Variants in THRB observed in about 807,000 individuals in gnomAD.
THRB encodes the protein nuclear receptor subfamily 1 group A member 2.
A neutral mutation model predicts 47.8 loss-of-function variants in THRB; 12 were observed. That is an observed-to-expected ratio of 0.25 (90% CI 0.16 to 0.41). THRB has a LOEUF of 0.41. Ranked by LOEUF, THRB falls within the 10% of genes least tolerant of loss-of-function variation. The pLI, the probability that THRB is intolerant of heterozygous loss-of-function variation, is 1.00. For synonymous variants in THRB, 218 were observed against 212.2 expected (o/e 1.03, Z -0.24); for missense variants, 348 against 589.2 (o/e 0.59, Z 4.24).
intron 3 of THRB, among the ~76,000 whole-genome samples, chr3:24,277,187 C>T (rs2054009279): frequency 6.6e-6 from 1 of 152,094 alleles, no homozygotes; most frequent in Non-Finnish European, 1.5e-5. Flanking sequence ...AATTTTGCAC[C>T]TTCCATCCCA....
chr3:24,142,446 G>T (rs546582229), intron 8 of THRB, among the ~76,000 whole-genome samples: 28 of 152,284 alleles, frequency 1.8e-4, no homozygotes, highest in African/African-American at 6.7e-4. Flanking sequence ...TTCCTTTAAG[G>T]TTGTTGTTAT....
intron 5 of THRB, among the ~76,000 whole-genome samples, chr3:24,170,713 G>GA (rs2040317435): frequency 1.3e-5 from 2 of 152,030 alleles, no homozygotes; most frequent in South Asian, 4.2e-4. Flanking sequence ...CATTTGTTTG[G>GA]ATGGAGCCTA....
intron 1 of THRB, among the ~76,000 whole-genome samples, chr3:24,342,107 T>C (rs1208606712): frequency 1.3e-5 from 2 of 150,332 alleles, no homozygotes; most frequent in Non-Finnish European, 2.9e-5. Flanking sequence ...CCAAATAATG[T>C]CATTATGCAC....
Position 24,188,721 on chromosome 3 carries a change from T to C in THRB, c.283+1353A>G, listed in dbSNP as rs562836558. Among the ~76,000 whole-genome samples, 9 of 147,764 alleles carry C rather than the reference T, an allele frequency of 6.1e-5. No homozygotes were observed. In the South Asian group the frequency reaches 1.5e-3, roughly 25 times the overall value. ...ATACGCTAAGAGTAAATCTCAATTG[T>C]ATTGCAAACAAATGTATTTTGCGCA... On this transcript the variant is annotated intron_variant, in intron 5 of 10. Transcript: ENST00000646209.
intron 1 of THRB, among the ~76,000 whole-genome samples, chr3:24,343,644 C>T (rs1227806193): frequency 2.0e-5 from 3 of 152,036 alleles, no homozygotes; most frequent in African/African-American, 7.2e-5. Context: ...CTCCCATGTT[C>T]ACCACAGAGA....
intron 3 of THRB, among the ~76,000 whole-genome samples, chr3:24,263,806 A>G (rs1001384436): frequency 6.6e-6 from 1 of 152,184 alleles, no homozygotes; most frequent in African/African-American, 2.4e-5. Context: ...TGGAAGCTTT[A>G]AAGAAGTAAC....
intron 2 of THRB, among the ~76,000 whole-genome samples, chr3:24,333,368 C>G (rs899794503): frequency 2.6e-5 from 4 of 152,170 alleles, no homozygotes; most frequent in African/African-American, 9.7e-5. Flanking sequence ...ATTTCAAGAA[C>G]TTTGGCGCTA....
chr3:24,327,391 ATCAT>A (rs1187766605), intron 2 of THRB, among the ~76,000 whole-genome samples: 1 of 152,208 alleles, frequency 6.6e-6, no homozygotes, highest in Admixed American at 6.5e-5. Flanking sequence ...AAGTGTTTAA[ATCAT>A]TCATCAGTAG....
chr3:24,357,696 G>A (rs1434596494), intron 1 of THRB, among the ~76,000 whole-genome samples: 3 of 151,810 alleles, frequency 2.0e-5, no homozygotes, highest in Non-Finnish European at 4.4e-5. Context: ...ACTTCTGAGG[G>A]GGTTACACAG....
chr3:24,466,157 CTTCT>C (rs928078760), intron 1 of THRB, among the ~76,000 whole-genome samples: 25 of 152,042 alleles, frequency 1.6e-4, no homozygotes, highest in African/African-American at 5.3e-4. Flanking sequence ...AAATGACTTC[CTTCT>C]TTCTATTTTT....
At chr3:24,250,914 A>T (rs920821522) in intron 3 of THRB, among the ~76,000 whole-genome samples, 4 of 152,180 alleles carry the variant, frequency 2.6e-5, no homozygotes, top group Non-Finnish European at 5.9e-5. Flanking sequence ...AAATAGAATA[A>T]TTATAGCATG....
chr3:24,147,502 G>A (rs1335372534), intron 6 of THRB, among the ~76,000 whole-genome samples: 1 of 152,094 alleles, frequency 6.6e-6, no homozygotes, highest in Non-Finnish European at 1.5e-5. Context: ...TCTTTCTTTG[G>A]TATCTGTAGA....
intron 4 of THRB, among the ~76,000 whole-genome samples, chr3:24,228,706 C>A (rs2047944267): frequency 6.6e-6 from 1 of 151,156 alleles, no homozygotes; most frequent in African/African-American, 2.4e-5. Flanking sequence ...TAAAGGATGG[C>A]TAAAAATGAA....
intron 5 of THRB, 72 bp from the exon 6 acceptor site, chr3:24,152,562 T>G (rs1438065126): frequency 1.2e-6 from 1 of 860,098 alleles, no homozygotes; most frequent in African/African-American, 1.7e-5. Context: ...TAGCTAAGGT[T>G]GCTAGGCCAG....
intron 1 of THRB, among the ~76,000 whole-genome samples, chr3:24,408,788 C>T (rs1397882759): frequency 6.6e-6 from 1 of 151,740 alleles, no homozygotes. Context: ...TTTTCATTTA[C>T]TTTATAACAC....
rs150953731 is a variant in THRB, at chr3:24,320,671, T to C, written c.-189+16629A>G. ...TTAAATATCAAGTGTAAATATCTAA[T>C]GTTAAACATAATATTAATAACAAAT... On this transcript the variant is annotated intron_variant, in intron 2 of 10. Coordinates refer to ENST00000646209, the MANE Select transcript of THRB (RefSeq NM_001354712.2). Among the ~76,000 whole-genome samples the C allele has an allele frequency of 1.4e-4, 21 of 152,224 alleles. 1 individual carries two copies. Among genetic ancestry groups the C allele is most frequent in the African/African-American group, 4.8e-4 (20 of 41,542 alleles).
intron 1 of THRB, among the ~76,000 whole-genome samples, chr3:24,434,790 G>T (rs2125322350): frequency 6.6e-6 from 1 of 152,256 alleles, no homozygotes; most frequent in Non-Finnish European, 1.5e-5. Flanking sequence ...ATGCAGAGAG[G>T]CTTCCTCTAA....
At chr3:24,271,996 A>C (rs369334720) in intron 3 of THRB, among the ~76,000 whole-genome samples, 1 of 152,212 alleles carries the variant, frequency 6.6e-6, no homozygotes, top group East Asian at 1.9e-4. Context: ...GTGGCTACTC[A>C]TTAATAATTT....
intron 4 of THRB, among the ~76,000 whole-genome samples, chr3:24,220,029 G>A (rs1264558011): frequency 6.6e-6 from 1 of 152,190 alleles, no homozygotes; most frequent in Admixed American, 6.5e-5. Flanking sequence ...TTTTTTAACA[G>A]ATCTCCAGCT....
Sources: gnomAD v4.1 joint callset for allele counts (sites outside exome capture counted in the v4.1 genomes callset) on GRCh38, gnomAD v4.1.1 for gene constraint, MANE v1.5 for transcripts, NCBI Gene and HGNC (gene_info 2026-07-23, HGNC 2026-07-21) for gene names.